DPYD: variants seen among roughly 807,000 people sequenced by gnomAD.
DPYD encodes the protein dihydropyrimidine dehydrogenase [NADP(+)].
DPYD carries 109 observed loss-of-function variants against 116.2 expected under a neutral mutation model. That is an observed-to-expected ratio of 0.94 (90% CI 0.80 to 1.10). The LOEUF is 1.10. Ranked by LOEUF, DPYD falls within the 50% of genes least tolerant of loss-of-function variation. The pLI is 0.00. For missense variants in DPYD, 1,302 were observed against 1,254.5 expected, an observed-to-expected ratio of 1.04 and a Z score of -0.57; for synonymous variants, 440 against 432.0, an observed-to-expected ratio of 1.02 and a Z score of -0.23.
intron 8 of DPYD, among the ~76,000 whole-genome samples, chr1:97,603,922 G>A (rs1038296367): frequency 6.6e-5 from 10 of 152,106 alleles, no homozygotes; most frequent in Middle Eastern, 6.3e-3. Flanking sequence ...AAAATGAGGT[G>A]AAACACAATG....
chr1:97,268,586 A>T (rs1664379406), intron 18 of DPYD, among the ~76,000 whole-genome samples: 1 of 152,094 alleles, frequency 6.6e-6, no homozygotes, highest in African/African-American at 2.4e-5. Flanking sequence ...GAAGGTTTGC[A>T]GCTTATACCT....
At chr1:97,104,953 G>A (rs998446151) in intron 20 of DPYD, among the ~76,000 whole-genome samples, 3 of 152,102 alleles carry the variant, frequency 2.0e-5, no homozygotes, top group Admixed American at 2.0e-4. Flanking sequence ...TGCTGTGCAG[G>A]TGCTGGGGCC....
At chr1:97,439,159 C>T (rs1369024164) in intron 14 of DPYD, among the ~76,000 whole-genome samples, 1 of 151,714 alleles carries the variant, frequency 6.6e-6, no homozygotes, top group Non-Finnish European at 1.5e-5. Flanking sequence ...GTGTGATTAT[C>T]ACTATTTAGT....
chr1:97,361,635 C>A (rs1295260006), intron 16 of DPYD, among the ~76,000 whole-genome samples: 1 of 152,188 alleles, frequency 6.6e-6, no homozygotes, highest in East Asian at 1.9e-4. Context: ...CCCTGGCATG[C>A]CAGCCTGGTT....
rs545400694 is a variant in DPYD at position 97,289,383 on chromosome 1, G to A, written c.2299+15876C>T. Among the ~76,000 whole-genome samples the A allele has an allele frequency of 7.6e-3, 1,154 of 152,094 alleles. 13 individuals are homozygous for A. Among genetic ancestry groups the A allele is most frequent in the African/African-American group, 0.027 (1,104 of 41,492 alleles). On this transcript the variant is annotated intron_variant, in intron 18 of 22. Coordinates refer to ENST00000370192, the MANE Select transcript of DPYD (RefSeq NM_000110.4). ...ACCAAAGCCGGGCAGAGACACAATC[G>A]AAAAAGAGAATTTTAGACCAATATC...
At chr1:97,151,389 T>A in intron 20 of DPYD, among the ~76,000 whole-genome samples, 1 of 151,856 alleles carries the variant, frequency 6.6e-6, no homozygotes, top group East Asian at 1.9e-4. Flanking sequence ...CTGGGTGCAG[T>A]GGGGCTGGGT....
intron 10 of DPYD, among the ~76,000 whole-genome samples, chr1:97,588,030 T>A (rs961733150): frequency 6.6e-6 from 1 of 152,152 alleles, no homozygotes; most frequent in African/African-American, 2.4e-5. Context: ...TTCTTTTAAA[T>A]GTTGTGCTAT....
At chr1:97,669,198 C>T (rs757693982) in intron 8 of DPYD, among the ~76,000 whole-genome samples, 3 of 152,072 alleles carry the variant, frequency 2.0e-5, no homozygotes, top group Non-Finnish European at 4.4e-5. Context: ...ATCAAGATTC[C>T]TTACATATTT....
At chr1:97,604,192 G>A (rs1276739519) in intron 8 of DPYD, among the ~76,000 whole-genome samples, 1 of 152,126 alleles carries the variant, frequency 6.6e-6, no homozygotes, top group Non-Finnish European at 1.5e-5. Context: ...AGAAGGATAA[G>A]ATCTCTCTAA....
intron 18 of DPYD, chr1:97,265,618 T>A (rs767485131): frequency 7.2e-5 from 11 of 152,242 alleles, no homozygotes; most frequent in African/African-American, 1.2e-4. Flanking sequence ...AGTTTGAATG[T>A]GGTAGAATTT....
At chr1:97,442,914 T>C (rs1435119083) in intron 14 of DPYD, among the ~76,000 whole-genome samples, 1 of 152,196 alleles carries the variant, frequency 6.6e-6, no homozygotes, top group Non-Finnish European at 1.5e-5. Context: ...AAAGTAGGGA[T>C]AAAAACCAAA....
intron 3 of DPYD, 85 bp downstream of exon 3, chr1:97,828,028 CA>C: frequency 1.6e-6 from 2 of 1,234,772 alleles, no homozygotes; most frequent in Non-Finnish European, 2.4e-6. Context: ...TGAATGGTGG[CA>C]ATGAACTCAT....
At chr1:97,532,957 G>A (rs907277801) in intron 12 of DPYD, among the ~76,000 whole-genome samples, 1 of 148,950 alleles carries the variant, frequency 6.7e-6, no homozygotes, top group Non-Finnish European at 1.5e-5. Flanking sequence ...ATTGTTCATC[G>A]ATGTTTAAAG....
intron 19 of DPYD, among the ~76,000 whole-genome samples, chr1:97,219,047 G>A (rs1660611549): frequency 6.6e-6 from 1 of 152,158 alleles, no homozygotes; most frequent in Non-Finnish European, 1.5e-5. Context: ...TAATCATCAG[G>A]TAGAGAGAGA....
chr1:97,638,166 T>C (rs1657676933), intron 8 of DPYD, among the ~76,000 whole-genome samples: 1 of 152,130 alleles, frequency 6.6e-6, no homozygotes. Flanking sequence ...GTTTTACAGA[T>C]GAGAATCACA....
At chr1:97,400,790 G>A (rs1673328473) in intron 14 of DPYD, among the ~76,000 whole-genome samples, 2 of 152,090 alleles carry the variant, frequency 1.3e-5, no homozygotes, top group South Asian at 2.1e-4. Context: ...GGGATGGGTG[G>A]TGATACCCCT....
chr1:97,690,754 T>G (rs922632103), intron 7 of DPYD, among the ~76,000 whole-genome samples: 1 of 152,100 alleles, frequency 6.6e-6, no homozygotes, highest in African/African-American at 2.4e-5. Flanking sequence ...ACATTAAGTT[T>G]TATAAAGTTG....
chr1:97,572,913 A>C (rs1652997459), intron 11 of DPYD, among the ~76,000 whole-genome samples: 1 of 152,028 alleles, frequency 6.6e-6, no homozygotes, highest in Non-Finnish European at 1.5e-5. Context: ...TTTAGCATGG[A>C]TATAGTAGGA....
intron 19 of DPYD, among the ~76,000 whole-genome samples, chr1:97,219,502 C>T (rs967644113): frequency 1.2e-4 from 18 of 152,080 alleles, no homozygotes; most frequent in Admixed American, 7.9e-4. Context: ...TTTGGAGACA[C>T]GTTTCCTCTA....
Sources: gnomAD v4.1 joint callset for allele counts (sites outside exome capture counted in the v4.1 genomes callset) on GRCh38, gnomAD v4.1.1 for gene constraint, MANE v1.5 for transcripts, NCBI Gene and HGNC (gene_info 2026-07-23, HGNC 2026-07-21) for gene names.